The following PARD3B variants were observed in gnomAD, a reference collection of about 807,000 sequenced individuals.
PARD3B encodes partitioning defective 3 homolog B.
Under a neutral mutation model 130.2 loss-of-function variants are expected in PARD3B, and 103 were observed. That is an observed-to-expected ratio of 0.79 (90% CI 0.67 to 0.93). The LOEUF is 0.93. Among genes scored for constraint, PARD3B ranks in the 40% least tolerant of loss-of-function variants. PARD3B has a pLI of 0.00. For missense variants in PARD3B, 1,609 were observed against 1,499.2 expected (o/e 1.07, Z -1.21); for synonymous variants, 583 against 553.2 (o/e 1.05, Z -0.76).
chr2:204,970,915 C>CTG (rs1170217856), intron 3 of PARD3B, among the ~76,000 whole-genome samples: 1 of 152,170 alleles, frequency 6.6e-6, no homozygotes, highest in Non-Finnish European at 1.5e-5. Context: ...GACTTGAAAG[C>CTG]TGAAAGGTGC....
intron 11 of PARD3B, among the ~76,000 whole-genome samples, chr2:205,167,964 T>C (rs1158879425): frequency 2.0e-5 from 3 of 152,234 alleles, no homozygotes; most frequent in Admixed American, 6.5e-5. Context: ...TCAAAGGTCT[T>C]GTCTCCTGGT....
intron 18 of PARD3B, among the ~76,000 whole-genome samples, chr2:205,322,124 A>T (rs1002235281): frequency 6.6e-6 from 1 of 152,218 alleles, no homozygotes; most frequent in African/African-American, 2.4e-5. Flanking sequence ...CCAGTCTTTG[A>T]TCACCTTAGG....
chr2:204,621,981 C>T (rs1452255993), intron 1 of PARD3B, among the ~76,000 whole-genome samples: 2 of 152,176 alleles, frequency 1.3e-5, no homozygotes, highest in African/African-American at 4.8e-5. Context: ...GTTATTTCAA[C>T]TCTGACATAG....
chr2:204,550,159 G>T (rs548369153), intron 1 of PARD3B, among the ~76,000 whole-genome samples: 1 of 152,230 alleles, frequency 6.6e-6, no homozygotes, highest in East Asian at 1.9e-4. Flanking sequence ...TCAAGTTCCT[G>T]ATATAAAATG....
At chr2:205,503,389 T>C (rs2050230647) in intron 21 of PARD3B, among the ~76,000 whole-genome samples, 1 of 150,542 alleles carries the variant, frequency 6.6e-6, no homozygotes, top group Non-Finnish European at 1.5e-5. Flanking sequence ...CATACTTTGT[T>C]CTTTTTTTTT....
At chr2:204,898,576 GAA>G (rs1394738501) in intron 2 of PARD3B, among the ~76,000 whole-genome samples, 2 of 152,128 alleles carry the variant, frequency 1.3e-5, no homozygotes, top group African/African-American at 4.8e-5. Flanking sequence ...ATGTGCTGAG[GAA>G]AAGAGTGTGT....
intron 2 of PARD3B, among the ~76,000 whole-genome samples, chr2:204,934,044 T>C (rs1482391116): frequency 6.6e-6 from 1 of 152,198 alleles, no homozygotes; most frequent in Non-Finnish European, 1.5e-5. Flanking sequence ...AAAGGGAGGC[T>C]TAAGTGTAAC....
chr2:204,919,014 A>G (rs953078269), intron 2 of PARD3B, among the ~76,000 whole-genome samples: 2 of 152,156 alleles, frequency 1.3e-5, no homozygotes, highest in South Asian at 2.1e-4. Flanking sequence ...AATTTTAAAT[A>G]TATAGAAAAG....
At chr2:204,775,429 A>G (rs955822943) in intron 2 of PARD3B, among the ~76,000 whole-genome samples, 1 of 152,118 alleles carries the variant, frequency 6.6e-6, no homozygotes, top group African/African-American at 2.4e-5. Context: ...ATCTCTTTTA[A>G]TCCCCAAAAC....
intron 11 of PARD3B, among the ~76,000 whole-genome samples, chr2:205,171,107 G>A (rs2035150636): frequency 6.6e-6 from 1 of 152,176 alleles, no homozygotes; most frequent in Non-Finnish European, 1.5e-5. Context: ...ATTTATGGAA[G>A]AATTCTCTGT....
At chr2:205,491,831 G>A (rs1012430458) in intron 20 of PARD3B, among the ~76,000 whole-genome samples, 5 of 152,184 alleles carry the variant, frequency 3.3e-5, no homozygotes, top group Non-Finnish European at 5.9e-5. Context: ...GCCATGGTGA[G>A]GTCGGGAGCC....
chr2:205,147,164 TGTA>T (rs1311793087), intron 10 of PARD3B, among the ~76,000 whole-genome samples: 1 of 152,194 alleles, frequency 6.6e-6, no homozygotes, highest in Non-Finnish European at 1.5e-5. Flanking sequence ...CAAAGCAAGT[TGTA>T]GTTGTATAAT....
At position 205,210,734 on chromosome 2, in the gene PARD3B, T is replaced by C. The variant is rs1416934121; in HGVS notation, c.2140+17414T>C. ...GGGTGTCATCATTTTTTTTTCATTT[T>C]TGCCAGTGTTATAGGCTTAAAAAGG... is the stretch of plus-strand genomic sequence containing the variant. On this transcript the variant is annotated intron_variant, in intron 15 of 22. Transcript: ENST00000406610. Among the ~76,000 whole-genome samples, 5 of 152,256 alleles carry C rather than the reference T, an allele frequency of 3.3e-5. No homozygotes were observed. The East Asian group carries it at 5.8e-4, about 18-fold the overall frequency.
intron 8 of PARD3B, among the ~76,000 whole-genome samples, chr2:205,123,462 A>T (rs567688309): frequency 6.6e-6 from 1 of 152,084 alleles, no homozygotes; most frequent in South Asian, 2.1e-4. Flanking sequence ...TCATTGGAAG[A>T]TATACTTGGA....
chr2:205,294,683 G>T (rs1421709497), intron 16 of PARD3B, among the ~76,000 whole-genome samples: 3 of 152,130 alleles, frequency 2.0e-5, no homozygotes, highest in African/African-American at 7.2e-5. Flanking sequence ...TTAATGAGAA[G>T]TTCATTATTG....
At chr2:204,981,955 A>G (rs573127960) in intron 3 of PARD3B, among the ~76,000 whole-genome samples, 3 of 152,222 alleles carry the variant, frequency 2.0e-5, no homozygotes, top group Admixed American at 2.0e-4. Context: ...TTAAAGTTCA[A>G]AAAAATCAAG....
chr2:204,680,408 G>A (rs1015241544), intron 1 of PARD3B, among the ~76,000 whole-genome samples: 26 of 151,938 alleles, frequency 1.7e-4, no homozygotes, highest in Admixed American at 1.6e-3. Flanking sequence ...TAATGGTTTT[G>A]CTTGCCTTTG....
At chr2:204,662,522 A>G (rs1299619075) in intron 1 of PARD3B, among the ~76,000 whole-genome samples, 1 of 152,218 alleles carries the variant, frequency 6.6e-6, no homozygotes, top group African/African-American at 2.4e-5. Flanking sequence ...TCAGCTTGCA[A>G]CATAATCACA....
At chr2:205,243,004 T>C (rs1443596500) in intron 15 of PARD3B, among the ~76,000 whole-genome samples, 3 of 152,084 alleles carry the variant, frequency 2.0e-5, no homozygotes, top group African/African-American at 7.2e-5. Context: ...CCGTCTCTAC[T>C]AAAAATACAA....
Sources: allele counts gnomAD v4.1 joint callset (sites outside exome capture counted in the v4.1 genomes callset), GRCh38; gene constraint gnomAD v4.1.1; transcripts MANE v1.5; gene names NCBI Gene and HGNC (gene_info 2026-07-23, HGNC 2026-07-21).